ZFHX3: variants seen among roughly 807,000 people sequenced by gnomAD.
ZFHX3 encodes zinc finger homeobox protein 3.
Under a neutral mutation model 279.1 loss-of-function variants are expected in ZFHX3, and 42 were observed. The observed-to-expected ratio is 0.15, with a 90% CI of 0.12 to 0.19. ZFHX3 has a LOEUF of 0.19. Among genes scored for constraint, ZFHX3 ranks in the 10% least tolerant of loss-of-function variants. The probability of loss-of-function intolerance (pLI) is 1.00; values close to 1 mark genes in which losing one functional copy is unlikely to be tolerated. For missense variants in ZFHX3, 4,981 were observed against 4,754.0 expected, an observed-to-expected ratio of 1.05 and a Z score of -1.40; for synonymous variants, 2,293 against 1,957.8, an observed-to-expected ratio of 1.17 and a Z score of -4.52.
intron 1 of ZFHX3, among the ~76,000 whole-genome samples, chr16:73,861,292 T>C (rs1002100425): frequency 1.3e-5 from 2 of 152,130 alleles, no homozygotes; most frequent in Non-Finnish European, 2.9e-5. Flanking sequence ...TCTAAAGAAT[T>C]TCACTCTCAG....
intron 2 of ZFHX3, among the ~76,000 whole-genome samples, chr16:73,625,887 T>C (rs541866457): frequency 6.6e-6 from 1 of 152,338 alleles, no homozygotes; most frequent in African/African-American, 2.4e-5. Context: ...AGATGGAGTC[T>C]CACTGTGTTG....
chr16:72,845,688 C>T (rs1031539793), intron 4 of ZFHX3, among the ~76,000 whole-genome samples: 2 of 152,212 alleles, frequency 1.3e-5, no homozygotes, highest in Non-Finnish European at 2.9e-5. Context: ...ACACTGACGA[C>T]TTTCCCTTTC....
chr16:72,906,811 C>A (rs955026017), intron 3 of ZFHX3, among the ~76,000 whole-genome samples: 7 of 151,948 alleles, frequency 4.6e-5, no homozygotes, highest in Admixed American at 2.6e-4. Flanking sequence ...CCCTTCCCCC[C>A]CTCAAAAAAC....
chr16:73,233,618 GATTCCTCTTCTGTTGTC>G (rs1173745020), intron 5 of ZFHX3, among the ~76,000 whole-genome samples: 1 of 152,204 alleles, frequency 6.6e-6, no homozygotes, highest in Non-Finnish European at 1.5e-5. Context: ...GCCAGTTTGG[GATTCCTCTTCTGTTGTC>G]ACCCAGCTTT....
chr16:73,157,352 T>C (rs904251062), intron 5 of ZFHX3, among the ~76,000 whole-genome samples: 4 of 151,052 alleles, frequency 2.6e-5, no homozygotes, highest in Non-Finnish European at 2.9e-5. Context: ...ACTTGTGTTG[T>C]GGAAACAATG....
chr16:73,586,421 CAAACA>C lies in ZFHX3; in HGVS notation c.-1547+93754_-1547+93758del, dbSNP rs553361206. Among the ~76,000 whole-genome samples the C allele has an allele frequency of 4.7e-3, 677 of 142,754 alleles. 3 individuals are homozygous for C. Among genetic ancestry groups the C allele is most frequent in the African/African-American group, 0.016 (611 of 38,896 alleles). 93.7% of individuals were successfully genotyped at this position (142,754 alleles called of 152,430 possible). ...ACAAACAAACAAACAAACAAACAAA[CAAACA>C]AAAAAACATACAGAAAAGTTGGAGG... On this transcript the variant is annotated intron_variant, in intron 2 of 17. Transcript: ENST00000641206.
intron 3 of ZFHX3, among the ~76,000 whole-genome samples, chr16:72,947,542 C>A (rs910721177): frequency 3.3e-5 from 5 of 152,230 alleles, no homozygotes; most frequent in African/African-American, 1.2e-4. Flanking sequence ...TCTCCTCCAA[C>A]ATGAAAAAGG....
At chr16:73,221,041 T>C (rs1000093773) in intron 5 of ZFHX3, among the ~76,000 whole-genome samples, 9 of 152,090 alleles carry the variant, frequency 5.9e-5, no homozygotes, top group Admixed American at 2.0e-4. Context: ...GATTGATCTC[T>C]AGGGGCATTG....
At chr16:73,185,115 C>T (rs1490857520) in intron 5 of ZFHX3, among the ~76,000 whole-genome samples, 1 of 152,004 alleles carries the variant, frequency 6.6e-6, no homozygotes, top group Non-Finnish European at 1.5e-5. Context: ...GTAGCTGGGA[C>T]TACATGTACC....
At chr16:73,868,490 C>A (rs1962086107) in intron 1 of ZFHX3, among the ~76,000 whole-genome samples, 1 of 152,210 alleles carries the variant, frequency 6.6e-6, no homozygotes, top group African/African-American at 2.4e-5. Context: ...CGCCACTGCA[C>A]TCCAGCCTGG....
intron 2 of ZFHX3, among the ~76,000 whole-genome samples, chr16:73,536,909 T>C (rs949973828): frequency 6.6e-6 from 1 of 152,110 alleles, no homozygotes; most frequent in African/African-American, 2.4e-5. Context: ...TGTATTTGCA[T>C]AGGTTAATTC....
chr16:73,720,925 A>C (rs1257460480), intron 1 of ZFHX3, among the ~76,000 whole-genome samples: 3 of 152,182 alleles, frequency 2.0e-5, no homozygotes, highest in Non-Finnish European at 4.4e-5. Flanking sequence ...TTTTCATCAG[A>C]AAAATAAGGC....
rs199865167 is a variant in ZFHX3, at chr16:73,856,445, G to GA, written c.-1608+35205dup. 3.8e-3 allele frequency among the ~76,000 whole-genome samples: 575 copies of GA among 152,130 alleles called. 5 individuals carry two copies. The highest frequency in any genetic ancestry group is 0.013 in the African/African-American group (556 of 41,518). On this transcript the variant is annotated intron_variant, in intron 1 of 17. Transcript: ENST00000641206. Reference sequence around the variant, plus strand: ...CCAACCCCCACCCCTTGGCAAGGGGGAAAAAAATTCTTTCTTAGAGGATTT... The same window carrying GA: ...CCAACCCCCACCCCTTGGCAAGGGGGAAAAAAAATTCTTTCTTAGAGGATTT...
chr16:72,873,642 T>G (rs1243934714), intron 4 of ZFHX3, among the ~76,000 whole-genome samples: 1 of 152,184 alleles, frequency 6.6e-6, no homozygotes, highest in Non-Finnish European at 1.5e-5. Context: ...GTTCGCCAAT[T>G]TTTTTCTGAT....
chr16:73,033,036 C>A (rs573568720), intron 1 of ZFHX3, among the ~76,000 whole-genome samples: 1 of 152,256 alleles, frequency 6.6e-6, no homozygotes, highest in East Asian at 1.9e-4. Flanking sequence ...AGAAGCCAGG[C>A]TCTCATCCCA....
chr16:73,209,068 ACT>A (rs1418787134), intron 5 of ZFHX3, among the ~76,000 whole-genome samples: 11 of 152,152 alleles, frequency 7.2e-5, no homozygotes, highest in Admixed American at 5.2e-4. Flanking sequence ...TAATTATCAT[ACT>A]CTCTACTTTT....
chr16:73,544,760 G>A (rs772024555), intron 2 of ZFHX3, among the ~76,000 whole-genome samples: 4 of 152,120 alleles, frequency 2.6e-5, no homozygotes, highest in Non-Finnish European at 4.4e-5. Context: ...GTGTGGGAGA[G>A]AAGCGAGGCT....
chr16:73,162,958 A>G (rs1364236230), intron 5 of ZFHX3, among the ~76,000 whole-genome samples: 1 of 152,202 alleles, frequency 6.6e-6, no homozygotes, highest in East Asian at 1.9e-4. Flanking sequence ...CTTATATGGC[A>G]TGATTCATCC....
chr16:73,383,852 C>A (rs1377114064), intron 3 of ZFHX3, among the ~76,000 whole-genome samples: 1 of 152,222 alleles, frequency 6.6e-6, no homozygotes, highest in Admixed American at 6.5e-5. Context: ...AACAGCGGTG[C>A]CTCGTGCTCT....
Sources: gnomAD v4.1 joint callset for allele counts (sites outside exome capture counted in the v4.1 genomes callset) on GRCh38, gnomAD v4.1.1 for gene constraint, MANE v1.5 for transcripts, NCBI Gene and HGNC (gene_info 2026-07-23, HGNC 2026-07-21) for gene names.